The following SLC9A2 variants were observed in gnomAD, a reference collection of about 807,000 sequenced individuals.
SLC9A2 encodes solute carrier family 9 member A2, also known as sodium/hydrogen exchanger 2.
A neutral mutation model predicts 71.7 loss-of-function variants in SLC9A2; 42 were observed. That is an observed-to-expected ratio of 0.59 (90% CI 0.46 to 0.76). The LOEUF (loss-of-function observed/expected upper bound fraction) is 0.76, where lower values mean the gene tolerates loss of function less well. Among genes scored for constraint, SLC9A2 ranks in the 30% least tolerant of loss-of-function variants. The probability of loss-of-function intolerance (pLI) is 0.00; values close to 1 mark genes in which losing one functional copy is unlikely to be tolerated. For missense variants in SLC9A2, 829 were observed against 1,017.4 expected (o/e 0.81, Z 2.52); for synonymous variants, 396 against 392.5 (o/e 1.01, Z -0.10).
At chr2:102,687,151 T>C (rs1019808516) in intron 5 of SLC9A2, among the ~76,000 whole-genome samples, 1 of 152,184 alleles carries the variant, frequency 6.6e-6, no homozygotes, top group Non-Finnish European at 1.5e-5. Context: ...TGATATCTTC[T>C]TTTTCCTTTT....
intron 1 of SLC9A2, among the ~76,000 whole-genome samples, chr2:102,623,864 AG>A (rs1558698562): frequency 6.6e-6 from 1 of 152,270 alleles, no homozygotes; most frequent in Admixed American, 6.5e-5. Context: ...TAACATTTGT[AG>A]GGGGTTTAAA....
At chr2:102,701,382 G>A (rs781284361) in intron 8 of SLC9A2, 151 bp downstream of exon 8, 5 of 546,630 alleles carry the variant, frequency 9.1e-6, no homozygotes, top group Non-Finnish European at 1.6e-5. Flanking sequence ...ATGAGCCACT[G>A]TGCCCAGCTG....
chr2:102,644,707 T>C (rs1182810292), intron 1 of SLC9A2, among the ~76,000 whole-genome samples: 1 of 152,140 alleles, frequency 6.6e-6, no homozygotes, highest in Non-Finnish European at 1.5e-5. Flanking sequence ...GCAGAACTCA[T>C]GGCAGTGTGG....
chr2:102,705,189 G>C (rs1364358717), intron 10 of SLC9A2, among the ~76,000 whole-genome samples: 2 of 152,116 alleles, frequency 1.3e-5, no homozygotes, highest in Non-Finnish European at 2.9e-5. Context: ...CTGGATGACA[G>C]AGCGAGACTC....
chr2:102,628,094 A>G (rs947777216), intron 1 of SLC9A2, among the ~76,000 whole-genome samples: 2 of 152,160 alleles, frequency 1.3e-5, no homozygotes, highest in Admixed American at 1.3e-4. Context: ...ATTCAAATCT[A>G]TGATATACTG....
intron 5 of SLC9A2, among the ~76,000 whole-genome samples, chr2:102,690,255 C>T (rs757424168): frequency 1.8e-4 from 27 of 152,162 alleles, no homozygotes; most frequent in Non-Finnish European, 3.7e-4. Context: ...GTGACAAATA[C>T]AGCTGCAAGG....
intron 1 of SLC9A2, among the ~76,000 whole-genome samples, chr2:102,637,174 C>T (rs1676483153): frequency 6.6e-6 from 1 of 152,146 alleles, no homozygotes. Flanking sequence ...ACTGCTTCAC[C>T]TGCCGTTCCT....
At chr2:102,700,637 G>C (rs1677854505) in intron 7 of SLC9A2, among the ~76,000 whole-genome samples, 1 of 152,144 alleles carries the variant, frequency 6.6e-6, no homozygotes, top group South Asian at 2.1e-4. Context: ...AGAATCAGAG[G>C]AGAGGAATTG....
In SLC9A2 at chr2:102,619,936, G is replaced by C. The variant is rs1355618924; in HGVS notation, c.88G>C (p.Gly30Arg). 1.9e-6 allele frequency: 3 copies of C among 1,607,092 alleles called. No individual in the cohort carries two copies. The highest frequency in any genetic ancestry group is 1.7e-6 in the Non-Finnish European group (2 of 1,176,298). ...GCTCCTGCAGGTGGCGGGGCCCGTG[G>C]GCGCCCTGGCGGAGACCTTGCTGAA... ...LLLLQVAGPV[G>R]ALAETLLNAP... The change falls in exon 1 of 12, where the codon GGC becomes CGC. Residue 30 changes from glycine (G) to arginine (R), a missense_variant. By Grantham distance (125) the Gly-to-Arg change is moderately radical (BLOSUM62 -2). Coordinates refer to ENST00000233969, the MANE Select transcript of SLC9A2 (RefSeq NM_003048.6). The surrounding 1 kb of genome is among the most constrained non-coding windows in gnomAD (Gnocchi z 4.3).
chr2:102,644,848 G>A (rs183980829), intron 1 of SLC9A2, among the ~76,000 whole-genome samples: 282 of 152,318 alleles, frequency 1.9e-3, no homozygotes, highest in African/African-American at 6.5e-3. Flanking sequence ...GAGCACCCGC[G>A]AGAAGGGGCA....
intron 7 of SLC9A2, 125 bp downstream of exon 7, chr2:102,695,238 A>G (rs1677733852): frequency 1.5e-6 from 1 of 667,060 alleles, no homozygotes; most frequent in Non-Finnish European, 2.6e-6. Flanking sequence ...ATGTCCTCTA[A>G]GATAAAGTTC....
intron 2 of SLC9A2, among the ~76,000 whole-genome samples, chr2:102,660,358 A>G (rs1383411301): frequency 2.0e-5 from 3 of 152,178 alleles, no homozygotes; most frequent in Non-Finnish European, 4.4e-5. Flanking sequence ...TCGTGGTTTC[A>G]TATCTAAGAG....
At chr2:102,693,750 C>T (rs896590090) in intron 5 of SLC9A2, among the ~76,000 whole-genome samples, 1 of 152,166 alleles carries the variant, frequency 6.6e-6, no homozygotes, top group Non-Finnish European at 1.5e-5. Context: ...TAACTGTTTT[C>T]GGAAGTATCT....
intron 3 of SLC9A2, among the ~76,000 whole-genome samples, chr2:102,671,749 CCA>C (rs1474848066): frequency 1.3e-5 from 2 of 152,168 alleles, no homozygotes; most frequent in African/African-American, 4.8e-5. Flanking sequence ...AATAGGGTGA[CCA>C]CCAGCCTCAT....
At chr2:102,632,034 AT>A (rs1237273484) in intron 1 of SLC9A2, among the ~76,000 whole-genome samples, 1 of 127,336 alleles carries the variant, frequency 7.9e-6, no homozygotes, top group African/African-American at 3.4e-5. Flanking sequence ...ATATATATAT[AT>A]ATACATACAC....
At position 102,711,340 on chromosome 2, in the gene SLC9A2, T is replaced by G. The variant is rs1366001921; in HGVS notation, c.*2851T>G. On this transcript the variant is annotated 3_prime_UTR_variant, in exon 12 of 12. Coordinates refer to ENST00000233969, the MANE Select transcript of SLC9A2 (RefSeq NM_003048.6). ...TGAAGCAGCTGTTGGCATTATCCGC[T>G]GAGGCTTGAACACCACGTGCTGATT... The G allele has an allele frequency of 6.6e-6, 1 of 152,360 alleles. No homozygotes were observed. Among genetic ancestry groups the G allele is most frequent in the African/African-American group, 2.4e-5 (1 of 41,430 alleles). 9.4% of individuals were successfully genotyped at this position (152,360 alleles called of 1,614,324 possible).
intron 1 of SLC9A2, among the ~76,000 whole-genome samples, chr2:102,653,488 A>G (rs1676874636): frequency 6.6e-6 from 1 of 151,938 alleles, no homozygotes; most frequent in South Asian, 2.1e-4. Context: ...GCCATGTTTT[A>G]TTTGCTGCTT....
chr2:102,675,350 C>A (rs899668730), intron 3 of SLC9A2, among the ~76,000 whole-genome samples: 4 of 152,118 alleles, frequency 2.6e-5, no homozygotes, highest in African/African-American at 9.7e-5. Context: ...CTGTTGTGTG[C>A]TATAGGCAGG....
At chr2:102,646,351 C>T (rs545520889) in intron 1 of SLC9A2, among the ~76,000 whole-genome samples, 4 of 152,150 alleles carry the variant, frequency 2.6e-5, no homozygotes, top group Non-Finnish European at 5.9e-5. Flanking sequence ...CAAAAACATA[C>T]CAAAATAAAA....
Sources: gnomAD v4.1 joint callset for allele counts (sites outside exome capture counted in the v4.1 genomes callset) on GRCh38, gnomAD v4.1.1 for gene constraint, Gnocchi (gnomAD v3.1) non-coding constraint, MANE v1.5 for transcripts, NCBI Gene and HGNC (gene_info 2026-07-23, HGNC 2026-07-21) for gene names.